FBH1: variants seen among roughly 807,000 people sequenced by gnomAD.
The protein encoded by FBH1 is F-box DNA helicase 1.
In FBH1, 43 loss-of-function variants were observed where a neutral mutation model predicts 115.5. That is an observed-to-expected ratio of 0.37 (90% CI 0.29 to 0.48). The LOEUF is 0.48. Ranked by LOEUF, FBH1 falls within the 20% of genes least tolerant of loss-of-function variation. The probability of loss-of-function intolerance (pLI) is 0.99; values close to 1 mark genes in which losing one functional copy is unlikely to be tolerated. For synonymous variants in FBH1, 524 were observed against 507.8 expected, an observed-to-expected ratio of 1.03 and a Z score of -0.43; for missense variants, 1,001 against 1,337.3, an observed-to-expected ratio of 0.75 and a Z score of 3.92.
At chr10:5,889,767 A>C, upstream of FBH1, 1 of 156,820 alleles carries the variant, frequency 6.4e-6, no homozygotes. Flanking sequence ...GCGCCGCTAC[A>C]CCGCAAAGCC....
At chr10:5,907,773 C>T (rs1843802983) in intron 3 of FBH1, among the ~76,000 whole-genome samples, 1 of 152,138 alleles carries the variant, frequency 6.6e-6, no homozygotes, top group Non-Finnish European at 1.5e-5. Flanking sequence ...TGTGCCTGGG[C>T]AAGGGTATGT....
chr10:5,913,109 T>A lies in FBH1; in HGVS notation c.1212-638T>A, dbSNP rs147066946. Among the ~76,000 whole-genome samples the A allele has an allele frequency of 8.2e-4, 125 of 152,194 alleles. 3 individuals are homozygous for A. The East Asian group carries it at 0.015, about 18-fold the overall frequency. On this transcript the variant is annotated intron_variant, in intron 6 of 20. Coordinates refer to ENST00000362091, the MANE Select transcript of FBH1 (RefSeq NM_178150.3). This position sits in a 1 kb window ranked among gnomAD's most constrained non-coding sequence, Gnocchi z 4.4. ...CTTGGAGAGGCTTTGGAACGGCGTG[T>A]GCCAGCTGAGTCTGACGAGTCTGAC...
At chr10:5,894,967 G>T (rs1025502686) in intron 1 of FBH1, 12 of 1,507,350 alleles carry the variant, frequency 8.0e-6, no homozygotes. Flanking sequence ...CCTGCGAAGT[G>T]CTTCCTGGCT....
intron 19 of FBH1, chr10:5,929,936 G>A (rs1339428604): frequency 2.0e-5 from 3 of 152,174 alleles, no homozygotes; most frequent in Non-Finnish European, 4.4e-5. Flanking sequence ...CATGGAAGTC[G>A]TGTTACAGAA....
intron 6 of FBH1, among the ~76,000 whole-genome samples, chr10:5,912,376 A>AC (rs1831651743): frequency 6.6e-6 from 1 of 151,546 alleles, no homozygotes; most frequent in Non-Finnish European, 1.5e-5. Context: ...AAAAAAAAAA[A>AC]ATGTAGAATA....
chr10:5,930,448 T>C (rs532584177), intron 19 of FBH1, among the ~76,000 whole-genome samples: 1 of 152,364 alleles, frequency 6.6e-6, no homozygotes, highest in East Asian at 1.9e-4. Flanking sequence ...GGTGTGGTTG[T>C]GTAACTTGTT....
chr10:5,908,276 C>T (rs762679489), intron 3 of FBH1, among the ~76,000 whole-genome samples: 1 of 152,154 alleles, frequency 6.6e-6, no homozygotes, highest in Non-Finnish European at 1.5e-5. Context: ...TCTCTTATAA[C>T]AGTATTTAAC....
At chr10:5,908,828 C>G in intron 3 of FBH1, 97 bp from the exon 4 acceptor site, 1 of 1,388,042 alleles carries the variant, frequency 7.2e-7, no homozygotes, top group Non-Finnish European at 1.0e-6. Context: ...CCATGCTAGT[C>G]TCAAACTCCT....
In FBH1 at chr10:5,902,709, G is replaced by T. The variant is rs373923428; in HGVS notation, c.2-311G>T. Among the ~76,000 whole-genome samples, 64 of 152,122 alleles carry T rather than the reference G, an allele frequency of 4.2e-4. 1 individual carries two copies. In the South Asian group the frequency reaches 0.013, roughly 30 times the overall value. On this transcript the variant is annotated intron_variant, in intron 1 of 20. Coordinates refer to ENST00000362091, the MANE Select transcript of FBH1 (RefSeq NM_178150.3). Reference sequence around the variant, plus strand: ...CTCCCAAAGTTCTGGGATTACAGACGTGAGCCAGCGCGCCCAGCCACAACG... The same window carrying T: ...CTCCCAAAGTTCTGGGATTACAGACTTGAGCCAGCGCGCCCAGCCACAACG...
At chr10:5,901,475 G>A (rs549247337) in intron 1 of FBH1, among the ~76,000 whole-genome samples, 42 of 151,896 alleles carry the variant, frequency 2.8e-4, no homozygotes, top group African/African-American at 9.7e-4. Context: ...GTGTTTTTTA[G>A]GATCTGTGAA....
Position 5,937,342 on chromosome 10 carries a change from C to A in FBH1, c.*62C>A. 7.1e-7 allele frequency: 1 copy of A among 1,416,664 alleles called. No individual in the cohort carries two copies. Among genetic ancestry groups the A allele is most frequent in the Non-Finnish European group, 9.3e-7 (1 of 1,076,784 alleles). The allele number at this position is 1,416,664 out of a possible 1,614,324, so 87.8% of individuals were successfully genotyped here. On this transcript the variant is annotated 3_prime_UTR_variant, in exon 21 of 21. Coordinates refer to ENST00000362091, the MANE Select transcript of FBH1 (RefSeq NM_178150.3). ...TGCCGAGGACCCCGCGTGAAGAAAGCCAGCGAGGGGGGCTTCTGCTCCCTG... is the reference window on the plus strand; with the variant it reads ...TGCCGAGGACCCCGCGTGAAGAAAGACAGCGAGGGGGGCTTCTGCTCCCTG...
rs1168746695 is a variant in FBH1 at position 5,897,211 on chromosome 10, T to A, written c.2-5809T>A. On this transcript the variant is annotated intron_variant, in intron 1 of 20. Transcript: ENST00000362091. The surrounding 1 kb of genome is among the most constrained non-coding windows in gnomAD (Gnocchi z 4.7). ...GTGGCTTGAGTACTTACATATATAT[T>A]GTCTCATTCTCTGAATTCAGCATGG... Among the ~76,000 whole-genome samples, 1 of 152,198 alleles carries A rather than the reference T, an allele frequency of 6.6e-6. No homozygotes were observed. The highest frequency in any genetic ancestry group is 1.5e-5 in the Non-Finnish European group (1 of 68,036).
intron 3 of FBH1, among the ~76,000 whole-genome samples, chr10:5,907,227 A>C (rs1363841275): frequency 6.6e-6 from 1 of 151,944 alleles, no homozygotes; most frequent in Non-Finnish European, 1.5e-5. Flanking sequence ...CAGCCTCCCA[A>C]GTGCTGGGGT....
In FBH1 at chr10:5,910,906, T is replaced by C; in HGVS notation, c.1021-32T>C. On this transcript the variant is annotated intron_variant, in intron 5 of 20. Coordinates refer to ENST00000362091, the MANE Select transcript of FBH1 (RefSeq NM_178150.3). The surrounding 1 kb of genome is among the most constrained non-coding windows in gnomAD (Gnocchi z 4.8). ...TTCGTATTAACCATGGCCTGTGGGC[T>C]GTCCCTCCCTCCCTGTGCACCTGGC... 1.3e-6 allele frequency: 2 copies of C among 1,586,120 alleles called. No homozygotes were observed. The highest frequency in any genetic ancestry group is 8.6e-7 in the Non-Finnish European group (1 of 1,168,192).
At position 5,915,468 on chromosome 10, in the gene FBH1, G is replaced by A. The variant is rs767936883; in HGVS notation, c.1462G>A (p.Val488Met). The change falls in exon 9 of 21, where the codon GTG (valine) becomes ATG (methionine). Residue 488 changes from valine to methionine, a missense_variant. By Grantham distance (21) the Val-to-Met change is conservative. Coordinates refer to ENST00000362091, the MANE Select transcript of FBH1 (RefSeq NM_178150.3). This position sits in a 1 kb window ranked among gnomAD's most constrained non-coding sequence, Gnocchi z 5.2. ...EKWSQSRFLY[V>M]TFNKSIAKQA... ...GTGGTCTCAGAGCAGGTTTCTGTAT[G>A]TGACATTCAACAAGAGCATCGCAAA... 1 of 1,614,108 alleles carries A rather than the reference G, an allele frequency of 6.2e-7. No individual in the cohort carries two copies. The highest frequency in any genetic ancestry group is 1.3e-5 in the African/African-American group (1 of 74,940).
chr10:5,902,393 G>A (rs1273210162), intron 1 of FBH1, among the ~76,000 whole-genome samples: 3 of 152,042 alleles, frequency 2.0e-5, no homozygotes, highest in Non-Finnish European at 4.4e-5. Flanking sequence ...ATATATAGCC[G>A]ATTCTTAAAT....
Position 5,927,464 on chromosome 10 carries a change from C to T in FBH1, c.2752C>T (p.Leu918=). 6.2e-7 allele frequency: 1 copy of T among 1,612,642 alleles called. No homozygotes were observed. Among genetic ancestry groups the T allele is most frequent in the Non-Finnish European group, 8.5e-7 (1 of 1,179,568 alleles). The change falls in exon 19 of 21, where the codon CTG becomes TTG. Residue 918 remains leucine, a synonymous_variant. Transcript: ENST00000362091. ...ESFSEDEWNL[L]YVAVTRAKKR... is the part of the protein sequence containing the mutation. ...ATTTTCTGAGGATGAATGGAATTTA[C>T]TGTATGTTGCAGTAACTCGAGCCAA... is the stretch of plus-strand genomic sequence containing the variant.
Position 5,918,320 on chromosome 10 carries a change from CT to C in FBH1, c.1964-18del. On this transcript the variant is annotated intron_variant, in intron 12 of 20. Coordinates refer to ENST00000362091, the MANE Select transcript of FBH1 (RefSeq NM_178150.3). This position sits in a 1 kb window ranked among gnomAD's most constrained non-coding sequence, Gnocchi z 4.0. ...GGGGTGGAGGCCTCAAGGTTTCTCACTTTTCCTCTCGTTGGTTACAGCTATC... is the reference window on the plus strand; with the variant it reads ...GGGGTGGAGGCCTCAAGGTTTCTCACTTTCCTCTCGTTGGTTACAGCTATC... The C allele has an allele frequency of 6.2e-7, 1 of 1,604,840 alleles. No individual in the cohort carries two copies. The highest frequency in any genetic ancestry group is 8.5e-7 in the Non-Finnish European group (1 of 1,177,808).
chr10:5,909,006 A>G lies in FBH1; in HGVS notation c.835A>G (p.Asn279Asp), dbSNP rs151020781. 5 of 1,614,096 alleles carry G rather than the reference A, an allele frequency of 3.1e-6. No individual in the cohort carries two copies. The African/African-American group carries it at 4.0e-5, about 13-fold the overall frequency. ...CAGCAAAGTGGACGGCATCCTGTCT[A>G]ACTGTGGCATAGAAAAGGAGTCAGA... ...AVSKVDGILS[N>D]CGIEKESDLC... Residue 279 changes from asparagine to aspartate, a missense_variant, in exon 4 of 21, where the codon AAC (asparagine) becomes GAC (aspartate). By Grantham distance (23) the Asn-to-Asp change is conservative (BLOSUM62 1). Transcript: ENST00000362091. This position sits in a 1 kb window ranked among gnomAD's most constrained non-coding sequence, Gnocchi z 4.4.
Sources: gnomAD v4.1 joint callset for allele counts (sites outside exome capture counted in the v4.1 genomes callset) on GRCh38, gnomAD v4.1.1 for gene constraint, Gnocchi (gnomAD v3.1) non-coding constraint, MANE v1.5 for transcripts, NCBI Gene and HGNC (gene_info 2026-07-23, HGNC 2026-07-21) for gene names.